The following RAD51B variants were observed in gnomAD, a reference collection of about 807,000 sequenced individuals.
The protein encoded by RAD51B is DNA repair protein RAD51 homolog 2.
A neutral mutation model predicts 42.2 loss-of-function variants in RAD51B; 38 were observed. That is an observed-to-expected ratio of 0.90 (90% CI 0.70 to 1.18). The LOEUF (loss-of-function observed/expected upper bound fraction) is 1.18, where lower values mean the gene tolerates loss of function less well. RAD51B is among the 50% of genes most tolerant of loss of function. The probability of loss-of-function intolerance (pLI) is 0.00; values close to 1 mark genes in which losing one functional copy is unlikely to be tolerated. For synonymous variants in RAD51B, 154 were observed against 145.2 expected, an observed-to-expected ratio of 1.06 and a Z score of -0.43; for missense variants, 373 against 400.7, an observed-to-expected ratio of 0.93 and a Z score of 0.59.
intron 8 of RAD51B, chr14:68,339,105 A>G (rs1255068907): frequency 1.4e-6 from 1 of 691,400 alleles, no homozygotes; most frequent in Non-Finnish European, 2.7e-6. Context: ...GGTGGTGACC[A>G]TGTTAACTCC....
intron 7 of RAD51B, among the ~76,000 whole-genome samples, chr14:67,982,716 A>G (rs2075117823): frequency 6.8e-6 from 1 of 146,122 alleles, no homozygotes; most frequent in Non-Finnish European, 1.5e-5. Context: ...AAAGCCCCAT[A>G]TTTTGCTTCT....
chr14:67,863,266 GC>G (rs1211008536), intron 4 of RAD51B, among the ~76,000 whole-genome samples: 6 of 150,016 alleles, frequency 4.0e-5, no homozygotes, highest in African/African-American at 1.5e-4. Flanking sequence ...ACAGGCGTGT[GC>G]TAAACATTTG....
chr14:68,455,081 T>A (rs1352121765), intron 9 of RAD51B, among the ~76,000 whole-genome samples: 1 of 152,154 alleles, frequency 6.6e-6, no homozygotes, highest in Admixed American at 6.5e-5. Flanking sequence ...GCTGAAAGAT[T>A]TACTGATTCA....
chr14:68,500,906 C>T (rs1566915728), intron 10 of RAD51B, among the ~76,000 whole-genome samples: 2 of 152,198 alleles, frequency 1.3e-5, no homozygotes, highest in Non-Finnish European at 2.9e-5. Flanking sequence ...TTAAGAAGAG[C>T]TCTGGGGATC....
At chr14:68,011,328 A>T (rs1441667742) in intron 7 of RAD51B, among the ~76,000 whole-genome samples, 12 of 152,030 alleles carry the variant, frequency 7.9e-5, no homozygotes, top group Non-Finnish European at 1.5e-5. Context: ...AACATTTTTT[A>T]TACAGATGAG....
chr14:68,654,228 C>T (rs927241068), intron 11 of RAD51B, among the ~76,000 whole-genome samples: 2 of 152,184 alleles, frequency 1.3e-5, no homozygotes, highest in Non-Finnish European at 2.9e-5. Flanking sequence ...AGGGAATAAG[C>T]CCAGCGCTAC....
chr14:68,480,585 C>A (rs769264159), downstream of RAD51B, among the ~76,000 whole-genome samples: 2 of 152,050 alleles, frequency 1.3e-5, no homozygotes, highest in Non-Finnish European at 2.9e-5. Flanking sequence ...TCTCCCAGAT[C>A]TCTGTCTGTA....
At chr14:68,097,029 A>C (rs908222678) in intron 7 of RAD51B, among the ~76,000 whole-genome samples, 5 of 152,208 alleles carry the variant, frequency 3.3e-5, no homozygotes, top group Non-Finnish European at 5.9e-5. Context: ...TAGAAGTATC[A>C]CATGTATACA....
intron 7 of RAD51B, among the ~76,000 whole-genome samples, chr14:68,251,316 TCGATGAGCCCCGG>T (rs1445699241): frequency 5.9e-5 from 9 of 152,130 alleles, no homozygotes; most frequent in African/African-American, 2.2e-4. Context: ...TTTATGCACC[TCGATGAGCCCCGG>T]CCCATTAAAA....
chr14:68,113,820 T>G (rs1163974147), intron 7 of RAD51B: 3 of 152,120 alleles, frequency 2.0e-5, no homozygotes, highest in African/African-American at 7.2e-5. Flanking sequence ...ATTTGACATT[T>G]GAAGGCTTCC....
intron 9 of RAD51B, among the ~76,000 whole-genome samples, chr14:68,450,876 C>T (rs530413167): frequency 6.6e-6 from 1 of 152,296 alleles, no homozygotes; most frequent in Non-Finnish European, 1.5e-5. Context: ...GATTATGAAA[C>T]TGTAAAAGGC....
At chr14:68,670,236 G>C (rs994060579) in intron 11 of RAD51B, among the ~76,000 whole-genome samples, 1 of 152,184 alleles carries the variant, frequency 6.6e-6, no homozygotes, top group Non-Finnish European at 1.5e-5. Flanking sequence ...AGGTCACCCT[G>C]GGAGCTGGGG....
intron 7 of RAD51B, among the ~76,000 whole-genome samples, chr14:68,258,431 A>ACACTCT (rs1555382630): frequency 4.0e-5 from 6 of 149,000 alleles, no homozygotes; most frequent in African/African-American, 1.5e-4. Flanking sequence ...ACACACACAC[A>ACACTCT]CTCTCTCTCT....
intron 9 of RAD51B, among the ~76,000 whole-genome samples, chr14:68,459,834 G>T (rs77439444): frequency 0.031 from 4,720 of 152,258 alleles, 214 homozygotes; most frequent in African/African-American, 0.11. Flanking sequence ...GTCCTTACAG[G>T]AAGAAACTCT....
chr14:68,184,182 C>A (rs1173881219), intron 7 of RAD51B, among the ~76,000 whole-genome samples: 1 of 151,776 alleles, frequency 6.6e-6, no homozygotes, highest in African/African-American at 2.4e-5. Flanking sequence ...ACTTGGGAGG[C>A]TGATGTGGGA....
intron 7 of RAD51B, among the ~76,000 whole-genome samples, chr14:68,183,943 T>C (rs2079102312): frequency 1.4e-5 from 2 of 147,992 alleles, no homozygotes; most frequent in Non-Finnish European, 3.0e-5. Context: ...ATACAAAAAA[T>C]TAGGCGGGCG....
intron 7 of RAD51B, among the ~76,000 whole-genome samples, chr14:68,047,865 T>C (rs888136657): frequency 2.6e-5 from 4 of 152,186 alleles, no homozygotes; most frequent in African/African-American, 9.7e-5. Flanking sequence ...TTTTTCTTTT[T>C]TTTAGGTTTT....
At chr14:68,112,775 C>A (rs1027878803) in intron 7 of RAD51B, among the ~76,000 whole-genome samples, 2 of 152,104 alleles carry the variant, frequency 1.3e-5, no homozygotes, top group African/African-American at 4.8e-5. Context: ...CTGCTAGATG[C>A]TTTTTGAGCT....
chr14:68,563,612 G>A (rs1889265661), intron 10 of RAD51B: 4 of 985,346 alleles, frequency 4.1e-6, no homozygotes, highest in Non-Finnish European at 4.8e-6. Context: ...ACAGCTGCCT[G>A]CAAGGGGTGA....
Sources: allele counts gnomAD v4.1 joint callset (sites outside exome capture counted in the v4.1 genomes callset), GRCh38; gene constraint gnomAD v4.1.1; transcripts MANE v1.5; gene names NCBI Gene and HGNC (gene_info 2026-07-23, HGNC 2026-07-21).